The following RYR3 variants were observed in gnomAD, a reference collection of about 807,000 sequenced individuals.
RYR3 encodes the protein ryanodine receptor 3.
RYR3 carries 207 observed loss-of-function variants against 584.3 expected under a neutral mutation model. The ratio of observed to expected loss-of-function variants is 0.35; its 90% CI spans 0.32 to 0.40. The LOEUF is 0.40. Ranked by LOEUF, RYR3 falls within the 10% of genes least tolerant of loss-of-function variation. RYR3 has a pLI of 1.00. For synonymous variants in RYR3, 2,416 were observed against 2,248.5 expected (o/e 1.07, Z -2.11); for missense variants, 5,616 against 6,089.2 (o/e 0.92, Z 2.59).
Position 33,489,741 on chromosome 15 carries a change from G to A in RYR3, c.172-13890G>A, listed in dbSNP as rs555174385. On this transcript the variant is annotated intron_variant, in intron 2 of 103. Coordinates refer to ENST00000634891, the MANE Select transcript of RYR3 (RefSeq NM_001036.6). ...TACCCAGTAATGGGATTGCTGGGTC[G>A]AATGGTGGTTCTGCTTTTAGCTGAG... 1.9e-3 allele frequency among the ~76,000 whole-genome samples: 286 copies of A among 152,310 alleles called. 2 individuals carry two copies. Among genetic ancestry groups the A allele is most frequent in the Admixed American group, 2.2e-3 (34 of 15,304 alleles).
chr15:33,599,542 A>G lies in RYR3; in HGVS notation c.1789-1877A>G, dbSNP rs57546031. Among the ~76,000 whole-genome samples, 688 of 152,318 alleles carry G rather than the reference A, an allele frequency of 4.5e-3. 5 individuals carry two copies. The highest frequency in any genetic ancestry group is 0.016 in the African/African-American group (658 of 41,564). ...CTTCCAGGTTACAGATAGGTGATAT[A>G]CAAATGGTTACATTCTTCTGAGTTT... On this transcript the variant is annotated intron_variant, in intron 16 of 103. Coordinates refer to ENST00000634891, the MANE Select transcript of RYR3 (RefSeq NM_001036.6).
intron 1 of RYR3, among the ~76,000 whole-genome samples, chr15:33,336,440 A>AAGATAGAG (rs1971002142): frequency 1.6e-4 from 2 of 12,150 alleles, no homozygotes; most frequent in East Asian, 3.4e-3. Context: ...GAAAGAAAGA[A>AAGATAGAG]AGAGAGAGAG....
At chr15:33,639,763 T>C (rs532866450) in intron 27 of RYR3, among the ~76,000 whole-genome samples, 1 of 152,354 alleles carries the variant, frequency 6.6e-6, no homozygotes, top group South Asian at 2.1e-4. Context: ...CATCCTCTTA[T>C]GCATCATAGA....
At chr15:33,401,902 A>T (rs1048209379) in intron 1 of RYR3, among the ~76,000 whole-genome samples, 1 of 151,760 alleles carries the variant, frequency 6.6e-6, no homozygotes, top group Non-Finnish European at 1.5e-5. Context: ...TGTGTTTTCC[A>T]AATCTTTTGT....
chr15:33,709,851 C>T (rs923568048), intron 43 of RYR3, among the ~76,000 whole-genome samples: 8 of 152,082 alleles, frequency 5.3e-5, no homozygotes, highest in African/African-American at 1.4e-4. Flanking sequence ...GTAAGACATG[C>T]GGTTTAAAAG....
At chr15:33,341,403 A>C (rs1033617288) in intron 1 of RYR3, among the ~76,000 whole-genome samples, 16 of 151,920 alleles carry the variant, frequency 1.1e-4, no homozygotes, top group African/African-American at 3.9e-4. Context: ...CTGCTCTGGA[A>C]ACACCACACT....
chr15:33,586,236 G>A, intron 16 of RYR3, 120 bp downstream of exon 16: 1 of 676,358 alleles, frequency 1.5e-6, no homozygotes, highest in Non-Finnish European at 2.6e-6. Context: ...AAAAATCTTG[G>A]GAAACTGGAA....
rs184542443 is a variant in RYR3, at chr15:33,748,286, C to T, written c.8136+26C>T. On this transcript the variant is annotated intron_variant, in intron 54 of 103. Transcript: ENST00000634891. ...GTATGACACCACACCCAGAGGCCCA[C>T]GCTGGGCCGATGGAAGCCATGGAGA... 1.4e-4 allele frequency: 231 copies of T among 1,610,928 alleles called. No individual in the cohort carries two copies. The African/African-American group carries it at 2.5e-3, about 17-fold the overall frequency.
intron 87 of RYR3, among the ~76,000 whole-genome samples, chr15:33,836,029 T>C (rs2078021493): frequency 6.6e-6 from 1 of 152,142 alleles, no homozygotes; most frequent in Admixed American, 6.5e-5. Flanking sequence ...ATATTTTGTA[T>C]ATAGCTGTGA....
intron 1 of RYR3, among the ~76,000 whole-genome samples, chr15:33,360,107 T>C (rs561081794): frequency 6.6e-6 from 1 of 152,310 alleles, no homozygotes; most frequent in South Asian, 2.1e-4. Flanking sequence ...TTCCAGCACT[T>C]AGTACTTGAC....
chr15:33,602,906 C>G (rs773424351), intron 17 of RYR3, among the ~76,000 whole-genome samples: 6 of 152,110 alleles, frequency 3.9e-5, no homozygotes, highest in Admixed American at 6.5e-5. Context: ...CCACCATACC[C>G]AGCTAATTTT....
intron 53 of RYR3, among the ~76,000 whole-genome samples, chr15:33,746,421 A>G (rs1054535138): frequency 2.0e-5 from 3 of 152,194 alleles, no homozygotes; most frequent in Non-Finnish European, 2.9e-5. Flanking sequence ...GCCAAAATGC[A>G]TTTGTAGTTC....
intron 43 of RYR3, among the ~76,000 whole-genome samples, chr15:33,721,523 A>G (rs1369545515): frequency 6.6e-6 from 1 of 152,242 alleles, no homozygotes; most frequent in Non-Finnish European, 1.5e-5. Flanking sequence ...TCAGTTCTCC[A>G]AGAAATACCT....
rs754219890 is a variant in RYR3 at position 33,739,880 on chromosome 15, A to G, written c.7705A>G (p.Ile2569Val). The G allele has an allele frequency of 1.2e-5, 19 of 1,613,616 alleles. No homozygotes were observed. Among genetic ancestry groups the G allele is most frequent in the Admixed American group, 1.7e-5 (1 of 59,976 alleles). ...AATGGCCCTGCCTTGTCTCAGTGCTATAGCTGGGGCCTTGCCACCAGATTA... is the reference window on the plus strand; with the variant it reads ...AATGGCCCTGCCTTGTCTCAGTGCTGTAGCTGGGGCCTTGCCACCAGATTA... The part of the protein sequence containing the change: ...FRMALPCLSA[I>V]AGALPPDYLD... The change falls in exon 51 of 104, where the codon ATA becomes GTA. Residue 2569 changes from isoleucine to valine, a missense_variant. Physicochemically the swap from Ile to Val is conservative, Grantham distance 29 (BLOSUM62 3). Around this residue, in one of 9 missense-constraint regions of RYR3, gnomAD observed 1,280 missense variants for 1,426.2 expected, o/e 0.90. Transcript: ENST00000634891.
chr15:33,641,037 C>G (rs1279023391), intron 27 of RYR3, among the ~76,000 whole-genome samples: 1 of 152,182 alleles, frequency 6.6e-6, no homozygotes, highest in Non-Finnish European at 1.5e-5. Flanking sequence ...GAGCTGTGTA[C>G]AGGTAGCCCT....
At position 33,838,876 on chromosome 15, in the gene RYR3, G is replaced by A. The variant is rs1464762533; in HGVS notation, c.12896G>A (p.Gly4299Asp). 6.2e-7 allele frequency: 1 copy of A among 1,613,974 alleles called. No individual in the cohort carries two copies. The highest frequency in any genetic ancestry group is 1.1e-5 in the South Asian group (1 of 91,074). Residue 4299 changes from glycine to aspartate, a missense_variant, in exon 89 of 104, where the codon GGT becomes GAT. Gly to Asp is a moderately conservative substitution (Grantham distance 94, BLOSUM62 -1). Coordinates refer to ENST00000634891, the MANE Select transcript of RYR3 (RefSeq NM_001036.6). ...EGSLKHGPEVGLGDLSEIIGK... is the reference protein window; with the variant it reads ...EGSLKHGPEVDLGDLSEIIGK... ...AGCTTAAAGCATGGGCCTGAAGTGG[G>A]TTTGGGTGACCTCTCAGAAATTATT...
At chr15:33,846,225 A>C (rs1427557871) in intron 93 of RYR3, among the ~76,000 whole-genome samples, 2 of 152,198 alleles carry the variant, frequency 1.3e-5, no homozygotes, top group Non-Finnish European at 2.9e-5. Flanking sequence ...GAAGCTGCTA[A>C]GCCTTCCTAG....
chr15:33,860,334 C>T (rs1312401421), intron 100 of RYR3, among the ~76,000 whole-genome samples: 1 of 152,038 alleles, frequency 6.6e-6, no homozygotes, highest in Non-Finnish European at 1.5e-5. Flanking sequence ...GGAGACCAAC[C>T]AGGGAGAAGT....
At chr15:33,644,236 C>T in intron 27 of RYR3, 75 bp from the exon 28 acceptor site, 1 of 1,180,322 alleles carries the variant, frequency 8.5e-7, no homozygotes, top group South Asian at 1.4e-5. Context: ...CTTAAGGAAG[C>T]AAAGATTCAG....
Sources: allele counts gnomAD v4.1 joint callset (sites outside exome capture counted in the v4.1 genomes callset), GRCh38; gene constraint gnomAD v4.1.1; regional missense constraint gnomAD v4.1.1; transcripts MANE v1.5; gene names NCBI Gene and HGNC (gene_info 2026-07-23, HGNC 2026-07-21).